CRNKL1: variants seen among roughly 807,000 people sequenced by gnomAD.
The protein encoded by CRNKL1 is crooked neck pre-mRNA splicing factor 1.
A neutral mutation model predicts 103.7 loss-of-function variants in CRNKL1; 35 were observed. The observed-to-expected ratio is 0.34, with a 90% CI of 0.26 to 0.45. The LOEUF (loss-of-function observed/expected upper bound fraction) is 0.45. Ranked by LOEUF, CRNKL1 falls within the 20% of genes least tolerant of loss-of-function variation. CRNKL1 has a pLI of 1.00. For synonymous variants in CRNKL1, 267 were observed against 282.6 expected (o/e 0.94, Z 0.55); for missense variants, 645 against 836.0 (o/e 0.77, Z 2.82).
rs1383633627 is a variant in CRNKL1 at position 20,042,527 on chromosome 20, A to C, written c.973-11T>G. 6.3e-7 allele frequency: 1 copy of C among 1,595,600 alleles called. No homozygotes were observed. Among genetic ancestry groups the C allele is most frequent in the Non-Finnish European group, 8.5e-7 (1 of 1,171,348 alleles). ...ATTGTGTGGATTCGCCTAGAAAGAC[A>C]ACCAGTTTAATAAATAAAAAACAAA... On this transcript the variant is annotated splice_polypyrimidine_tract_variant and intron_variant, in intron 7 of 13. Coordinates refer to ENST00000536226, the MANE Select transcript of CRNKL1 (RefSeq NM_001278628.2).
At chr20:20,052,502 G>C (rs2043797992), upstream of CRNKL1, 1 of 1,614,144 alleles carries the variant, frequency 6.2e-7, no homozygotes, top group African/African-American at 1.3e-5. Context: ...CTTGAGCCGT[G>C]ACGGAGGCGG....
chr20:20,048,170 T>C (rs1568763425), intron 4 of CRNKL1, among the ~76,000 whole-genome samples, 173 bp downstream of exon 4: 1 of 152,238 alleles, frequency 6.6e-6, no homozygotes, highest in African/African-American at 2.4e-5. Context: ...TTTGATTACA[T>C]AGCTATAGAA....
At chr20:20,052,588 T>G (rs757058902), upstream of CRNKL1, 1 of 1,613,790 alleles carries the variant, frequency 6.2e-7, no homozygotes, top group Non-Finnish European at 8.5e-7. Flanking sequence ...GAGCTGCGGA[T>G]GAGGTGGGTA....
upstream of CRNKL1, chr20:20,056,034 G>A (rs951325343): frequency 1.3e-6 from 2 of 1,581,342 alleles, no homozygotes; most frequent in Non-Finnish European, 1.7e-6. Flanking sequence ...TCTTCCCAAA[G>A]AGTGTCGGAA....
chr20:20,049,378 T>C lies in CRNKL1; in HGVS notation c.258A>G (p.Lys86=), dbSNP rs755892214. The change falls in exon 3 of 14, where the codon AAA becomes AAG. Residue 86 remains lysine (K), a synonymous_variant. Coordinates refer to ENST00000536226, the MANE Select transcript of CRNKL1 (RefSeq NM_001278628.2). ...TTAGGCTTTCTTCCCATTGTGCGTA[T>C]TTTATCCAGTTACTAATCACAGTCC... ...KNRTVISNWI[K]YAQWEESLKE... 8 of 1,604,950 alleles carry C rather than the reference T, an allele frequency of 5.0e-6. No homozygotes were observed. The highest frequency in any genetic ancestry group is 3.5e-4 in the Middle Eastern group (2 of 5,674).
In CRNKL1 at chr20:20,044,556, T is replaced by C. The variant is rs529467000; in HGVS notation, c.801+752A>G. ...CTCAACAAGTTTCACATTTTGAGTT[T>C]TGGATTTTCAGACTGGGAATGCTCA... On this transcript the variant is annotated intron_variant, in intron 6 of 13. Coordinates refer to ENST00000536226, the MANE Select transcript of CRNKL1 (RefSeq NM_001278628.2). Among the ~76,000 whole-genome samples, 20 of 152,382 alleles carry C rather than the reference T, an allele frequency of 1.3e-4. No individual in the cohort carries two copies. In the East Asian group the frequency reaches 3.9e-3, roughly 29 times the overall value.
rs956249083 is a variant in CRNKL1, at chr20:20,035,293, T to G, written c.*902A>C. 1 of 152,178 alleles carries G rather than the reference T, an allele frequency of 6.6e-6. No individual in the cohort carries two copies. The highest frequency in any genetic ancestry group is 1.5e-5 in the Non-Finnish European group (1 of 68,030). 9.4% of individuals were successfully genotyped at this position (152,178 alleles called of 1,614,324 possible). A position where few individuals can be genotyped will look rare whatever the true frequency, so the allele number is the denominator to read the frequency against. ...CAACATTGCTACTGGAGATACATAA[T>G]GTACAGAAGCCTAACTATAAAGAGA... On this transcript the variant is annotated 3_prime_UTR_variant, in exon 14 of 14. Transcript: ENST00000536226.
rs1378654369 is a variant in CRNKL1, at chr20:20,035,355, C to G, written c.*840G>C. On this transcript the variant is annotated 3_prime_UTR_variant, in exon 14 of 14. Transcript: ENST00000536226. ...AGACTTAAGTCTTAGTCCAGAATTT[C>G]CCAAATTTATGTGAACATGGGACAT... 2.0e-5 allele frequency: 3 copies of G among 152,154 alleles called. No homozygotes were observed. The highest frequency in any genetic ancestry group is 4.8e-5 in the African/African-American group (2 of 41,418). The allele number at this position is 152,154 out of a possible 1,614,324, so 9.4% of individuals were successfully genotyped here.
Position 20,042,434 on chromosome 20 carries a change from A to C in CRNKL1, c.1055T>G (p.Val352Gly). 6.2e-7 allele frequency: 1 copy of C among 1,614,126 alleles called. No homozygotes were observed. Among genetic ancestry groups the C allele is most frequent in the African/African-American group, 1.3e-5 (1 of 75,032 alleles). Residue 352 changes from valine (V) to glycine (G), a missense_variant, in exon 8 of 14, where the codon GTC becomes GGC. Physicochemically the swap from Val to Gly is moderately radical, Grantham distance 109 (BLOSUM62 -3). Coordinates refer to ENST00000536226, the MANE Select transcript of CRNKL1 (RefSeq NM_001278628.2). ...GACATTGGCAATGGCCCTTTCATAG[A>C]CTTCTCTCACGGCTTCAGCTTCTGC... ...SDAEAEAVRE[V>G]YERAIANVPP...
In CRNKL1 at chr20:20,042,409, G is replaced by C. The variant is rs768909768; in HGVS notation, c.1080C>G (p.Val360=). ...REVYERAIAN[V]PPIQEKRHWK... ...AGTGCCTCTTCTCCTGAATGGGTGG[G>C]ACATTGGCAATGGCCCTTTCATAGA... Residue 360 remains valine (V), a synonymous_variant, in exon 8 of 14, where the codon GTC becomes GTG. Coordinates refer to ENST00000536226, the MANE Select transcript of CRNKL1 (RefSeq NM_001278628.2). 11 of 1,614,014 alleles carry C rather than the reference G, an allele frequency of 6.8e-6. No homozygotes were observed. In the Admixed American group the frequency reaches 1.5e-4, roughly 22 times the overall value.
chr20:20,049,463 G>C lies in CRNKL1; in HGVS notation c.205-32C>G, dbSNP rs760059740. ...GAAGGCAAAAAGGGTCAAGTCAAAA[G>C]ACAAATGACTAAAAATGACAGCACC... On this transcript the variant is annotated intron_variant, in intron 2 of 13. Transcript: ENST00000536226. 5 of 1,151,032 alleles carry C rather than the reference G, an allele frequency of 4.3e-6. No individual in the cohort carries two copies. In the East Asian group the frequency reaches 9.4e-5, roughly 22 times the overall value. The allele number at this position is 1,151,032 out of a possible 1,614,324, so 71.3% of individuals were successfully genotyped here.
Position 20,038,355 on chromosome 20 carries a change from A to G in CRNKL1, c.1641T>C (p.His547=), listed in dbSNP as rs1389144448. Residue 547 remains histidine (H), a synonymous_variant, in exon 12 of 14, where the codon CAT becomes CAC. Transcript: ENST00000536226. ...ATCTACAAAGCAAGGATACCTTGAC[A>G]TGCTGCGTCCGTTGAAGCAACCGCC... The part of the protein sequence containing the change: ...LYRRLLQRTQ[H]VKVWISFAQF... 3 of 1,545,818 alleles carry G rather than the reference A, an allele frequency of 1.9e-6. No homozygotes were observed. The highest frequency in any genetic ancestry group is 4.9e-5 in the East Asian group (2 of 40,944).
At chr20:20,054,615 A>G (rs1600291810), upstream of CRNKL1, among the ~76,000 whole-genome samples, 1 of 152,238 alleles carries the variant, frequency 6.6e-6, no homozygotes, top group Non-Finnish European at 1.5e-5. Flanking sequence ...TTACTGTGCT[A>G]CAATGGCAGA....
At position 20,049,221 on chromosome 20, in the gene CRNKL1, T is replaced by G. The variant is rs2043644297; in HGVS notation, c.296+119A>C. 7.9e-6 allele frequency: 5 copies of G among 632,070 alleles called. No homozygotes were observed. In the South Asian group the frequency reaches 1.1e-4, roughly 14 times the overall value. The allele number at this position is 632,070 out of a possible 1,614,324, so 39.2% of individuals were successfully genotyped here. ...CCCTAGGGTTCCATGGAACCAAAGTTGAAAATTTCTACCCGAGGCACAATC... is the reference window on the plus strand; with the variant it reads ...CCCTAGGGTTCCATGGAACCAAAGTGGAAAATTTCTACCCGAGGCACAATC... On this transcript the variant is annotated intron_variant, in intron 3 of 13. Transcript: ENST00000536226.
At chr20:20,037,912 CCT>C (rs2043447518) in intron 12 of CRNKL1, among the ~76,000 whole-genome samples, 1 of 151,984 alleles carries the variant, frequency 6.6e-6, no homozygotes. Flanking sequence ...CAGGTGAAAC[CCT>C]GTCTCTATTA....
intron 8 of CRNKL1, 51 bp downstream of exon 8, chr20:20,042,274 T>C: frequency 6.8e-7 from 1 of 1,480,636 alleles, no homozygotes; most frequent in Non-Finnish European, 9.1e-7. Flanking sequence ...GAGCTGTGAA[T>C]ACAGAAGACA....
intron 13 of CRNKL1, among the ~76,000 whole-genome samples, 160 bp downstream of exon 13, chr20:20,037,163 C>T (rs1013391901): frequency 6.6e-6 from 1 of 152,192 alleles, no homozygotes; most frequent in Non-Finnish European, 1.5e-5. Context: ...ATGTTCTACC[C>T]CGTGTTTCCA....
At chr20:20,042,559 A>G in intron 7 of CRNKL1, 43 bp from the exon 8 acceptor site, 1 of 1,554,510 alleles carries the variant, frequency 6.4e-7, no homozygotes, top group African/African-American at 1.4e-5. Flanking sequence ...CAAAACCAAG[A>G]GCTGCACTTG....
intron 1 of CRNKL1, among the ~76,000 whole-genome samples, chr20:20,051,021 C>T (rs2043703942): frequency 6.6e-6 from 1 of 152,106 alleles, no homozygotes; most frequent in African/African-American, 2.4e-5. Context: ...TATTTAATGC[C>T]CCGGTGTATA....
Sources: allele counts gnomAD v4.1 joint callset (sites outside exome capture counted in the v4.1 genomes callset), GRCh38; gene constraint gnomAD v4.1.1; transcripts MANE v1.5; gene names NCBI Gene and HGNC (gene_info 2026-07-23, HGNC 2026-07-21).